Variants in PCDHA4 observed in about 807,000 individuals in gnomAD.
PCDHA4 encodes protocadherin alpha-4.
PCDHA4 carries 49 observed loss-of-function variants against 61.4 expected under a neutral mutation model. The ratio of observed to expected loss-of-function variants is 0.80; its 90% CI spans 0.63 to 1.01. PCDHA4 has a LOEUF of 1.01. Ranked by LOEUF, PCDHA4 falls within the 50% of genes least tolerant of loss-of-function variation. The pLI is 0.00. For missense variants in PCDHA4, 1,254 were observed against 1,235.8 expected (o/e 1.01, Z -0.22); for synonymous variants, 590 against 550.3 (o/e 1.07, Z -1.01).
At chr5:141,007,156 G>A (rs1289202250) in intron 3 of PCDHA4, among the ~76,000 whole-genome samples, 2 of 152,148 alleles carry the variant, frequency 1.3e-5, no homozygotes, top group Non-Finnish European at 1.5e-5. Context: ...AACTGTCAAA[G>A]AACAGTCAGA....
chr5:140,875,039 A>C (rs1443862423), intron 1 of PCDHA4, among the ~76,000 whole-genome samples: 1 of 152,230 alleles, frequency 6.6e-6, no homozygotes, highest in East Asian at 1.9e-4. Flanking sequence ...TATTTGAAAG[A>C]TTTCTACTTT....
intron 1 of PCDHA4, chr5:140,857,693 A>T: frequency 6.3e-7 from 1 of 1,597,022 alleles, no homozygotes; most frequent in Non-Finnish European, 8.6e-7. Context: ...CAGCAACTTG[A>T]CGCTGCAGGT....
chr5:140,999,132 T>C (rs1430473415), intron 3 of PCDHA4, among the ~76,000 whole-genome samples: 2 of 152,160 alleles, frequency 1.3e-5, no homozygotes, highest in Non-Finnish European at 2.9e-5. Flanking sequence ...CTGGAAAATG[T>C]CACAGCCGGA....
At chr5:141,004,843 A>G (rs2098184369) in intron 3 of PCDHA4, among the ~76,000 whole-genome samples, 1 of 152,230 alleles carries the variant, frequency 6.6e-6, no homozygotes, top group African/African-American at 2.4e-5. Context: ...CAAAGTCATT[A>G]GTCTCAGAGA....
rs782180931 is a variant in PCDHA4, at chr5:140,857,881, G to A, written c.2385+48309G>A. 6 of 1,597,644 alleles carry A rather than the reference G, an allele frequency of 3.8e-6. 1 individual carries two copies. In the African/African-American group the frequency reaches 8.1e-5, roughly 22 times the overall value. On this transcript the variant is annotated intron_variant, in intron 1 of 3. Coordinates refer to ENST00000530339, the MANE Select transcript of PCDHA4 (RefSeq NM_018907.4). ...ACGCGTGGCTGTCGTATGAATTGCAGTCGGCGGCGGTTGGTGCACGCATCC... is the reference window on the plus strand; with the variant it reads ...ACGCGTGGCTGTCGTATGAATTGCAATCGGCGGCGGTTGGTGCACGCATCC...
intron 1 of PCDHA4, chr5:140,809,996 C>T (rs941295479): frequency 6.4e-6 from 1 of 156,344 alleles, no homozygotes; most frequent in Non-Finnish European, 1.4e-5. Context: ...TGCCAAATCA[C>T]TTCCCTTATT....
Position 140,845,928 on chromosome 5 carries a change from A to G in PCDHA4, c.2385+36356A>G, listed in dbSNP as rs1394601950. On this transcript the variant is annotated intron_variant, in intron 1 of 3. Coordinates refer to ENST00000530339, the MANE Select transcript of PCDHA4 (RefSeq NM_018907.4). ...CATATTAATCTTATTTTTGTGTAAA[A>G]CTATCTTCTGTAAAGTCATTTTTTA... Among the ~76,000 whole-genome samples the G allele has an allele frequency of 1.3e-5, 2 of 149,652 alleles. 1 individual carries two copies. The highest frequency in any genetic ancestry group is 1.3e-4 in the Admixed American group (2 of 14,942).
At position 141,010,952 on chromosome 5, in the gene PCDHA4, T is replaced by C. The variant is rs1217882818; in HGVS notation, c.*1015T>C. On this transcript the variant is annotated 3_prime_UTR_variant, in exon 4 of 4. Coordinates refer to ENST00000530339, the MANE Select transcript of PCDHA4 (RefSeq NM_018907.4). ...AGTCTACAGCCATTTAAATGATCAT[T>C]GCTGCTACAGAAGTGCTTTAAGAGA... 1 of 153,792 alleles carries C rather than the reference T, an allele frequency of 6.5e-6. No individual in the cohort carries two copies. Among genetic ancestry groups the C allele is most frequent in the East Asian group, 1.9e-4 (1 of 5,194 alleles). The allele number at this position is 153,792 out of a possible 1,614,324, so 9.5% of individuals were successfully genotyped here. A position where few individuals can be genotyped will look rare whatever the true frequency, so the allele number is the denominator to read the frequency against.
At chr5:140,824,414 T>C (rs1768113861) in intron 1 of PCDHA4, 3 of 519,586 alleles carry the variant, frequency 5.8e-6, no homozygotes, top group Admixed American at 7.5e-5. Flanking sequence ...AAGACATAGT[T>C]TGGAGTCATT....
At chr5:140,982,453 C>T (rs1554244194) in intron 2 of PCDHA4, 22 bp from the exon 3 acceptor site, 5 of 1,613,812 alleles carry the variant, frequency 3.1e-6, no homozygotes, top group African/African-American at 1.3e-5. Context: ...TAACCGTTAT[C>T]TGGGTCTGTG....
At chr5:140,987,880 T>A (rs2097271532) in intron 3 of PCDHA4, among the ~76,000 whole-genome samples, 1 of 152,112 alleles carries the variant, frequency 6.6e-6, no homozygotes, top group Non-Finnish European at 1.5e-5. Context: ...AAATGGACAG[T>A]TTATGTGCCC....
intron 1 of PCDHA4, chr5:140,927,371 G>GCTACAGCCTAAGCC: frequency 6.2e-7 from 1 of 1,614,080 alleles, no homozygotes; most frequent in Non-Finnish European, 8.5e-7. Context: ...GGGATACTAA[G>GCTACAGCCTAAGCC]CTACAGCCTA....
At chr5:140,884,493 C>T (rs782633321) in intron 1 of PCDHA4, 2 of 1,614,038 alleles carry the variant, frequency 1.2e-6, no homozygotes, top group African/African-American at 1.3e-5. Flanking sequence ...CTAGTGTGCT[C>T]CAGCGCGGCA....
At chr5:140,842,700 A>G in intron 1 of PCDHA4, 1 of 1,595,270 alleles carries the variant, frequency 6.3e-7, no homozygotes, top group Non-Finnish European at 8.6e-7. Flanking sequence ...CAGCCCGAGT[A>G]CACGGTGTTC....
At chr5:140,912,443 G>T (rs1351780500) in intron 1 of PCDHA4, among the ~76,000 whole-genome samples, 3 of 151,748 alleles carry the variant, frequency 2.0e-5, no homozygotes, top group African/African-American at 7.3e-5. Flanking sequence ...TGATTTGTGT[G>T]CATTGATTTT....
At chr5:140,870,496 G>A in intron 1 of PCDHA4, 1 of 1,614,234 alleles carries the variant, frequency 6.2e-7, no homozygotes, top group Non-Finnish European at 8.5e-7. Flanking sequence ...GTTCGTGAAG[G>A]AGAACAACCC....
chr5:140,960,792 C>T (rs2095571018), intron 1 of PCDHA4, among the ~76,000 whole-genome samples: 1 of 151,986 alleles, frequency 6.6e-6, no homozygotes, highest in South Asian at 2.1e-4. Context: ...AACAAGGTTT[C>T]TATTAAAATA....
chr5:140,829,588 G>A lies in PCDHA4; in HGVS notation c.2385+20016G>A, dbSNP rs2150170714. ...CCTACTCGCTGGTGGAGCGGCGGGT[G>A]GGCGAGCGCGCGTTGTCGAGCTACA... On this transcript the variant is annotated intron_variant, in intron 1 of 3. Transcript: ENST00000530339. 36 of 1,611,952 alleles carry A rather than the reference G, an allele frequency of 2.2e-5. No individual in the cohort carries two copies. The African/African-American group carries it at 4.3e-4, about 19-fold the overall frequency.
At chr5:140,944,344 C>T (rs567913669) in intron 1 of PCDHA4, among the ~76,000 whole-genome samples, 5 of 152,238 alleles carry the variant, frequency 3.3e-5, no homozygotes, top group Admixed American at 2.0e-4. Context: ...CGTGCCACCA[C>T]ACCTGGCTAA....
Sources: gnomAD v4.1 joint callset for allele counts (sites outside exome capture counted in the v4.1 genomes callset) on GRCh38, gnomAD v4.1.1 for gene constraint, MANE v1.5 for transcripts, NCBI Gene and HGNC (gene_info 2026-07-23, HGNC 2026-07-21) for gene names.